AKAP19: variants seen among roughly 807,000 people sequenced by gnomAD.
The protein encoded by AKAP19 is A-kinase anchoring protein 19, also known as small A-kinase anchoring protein.
At chr2:190,010,152 T>A in the AKAP19 span, among the ~76,000 whole-genome samples, 1 of 152,308 alleles carries the variant, frequency 6.6e-6, no homozygotes, top group South Asian at 2.1e-4. Flanking sequence ...CAAGGGAGTA[T>A]TTCTGGATCT....
At chr2:190,002,855 T>TTACA in the AKAP19 span, among the ~76,000 whole-genome samples, 5 of 152,204 alleles carry the variant, frequency 3.3e-5, no homozygotes, top group African/African-American at 1.2e-4. Flanking sequence ...CACTTAGATT[T>TTACA]CTTGTAAATG....
the AKAP19 span, among the ~76,000 whole-genome samples, chr2:190,043,507 G>A: frequency 6.6e-6 from 1 of 152,122 alleles, no homozygotes; most frequent in Non-Finnish European, 1.5e-5. Context: ...ACTACATTGT[G>A]AAAATCTTAT....
chr2:189,926,990 C>T, the AKAP19 span, among the ~76,000 whole-genome samples: 1 of 152,010 alleles, frequency 6.6e-6, no homozygotes, highest in Admixed American at 6.6e-5. Context: ...TTCAAGTGAT[C>T]CTCCTACCTC....
chr2:190,110,780 G>A, the AKAP19 span, among the ~76,000 whole-genome samples: 1 of 152,156 alleles, frequency 6.6e-6, no homozygotes, highest in African/African-American at 2.4e-5. Flanking sequence ...TTCTGGCCAT[G>A]TCTTATAGCT....
At chr2:189,891,663 C>T in the AKAP19 span, among the ~76,000 whole-genome samples, 47 of 152,214 alleles carry the variant, frequency 3.1e-4, 1 homozygote, top group South Asian at 8.5e-3. Context: ...CTGCCCTTAA[C>T]ATTTTTTCCA....
At chr2:190,101,486 G>A in the AKAP19 span, among the ~76,000 whole-genome samples, 1 of 152,060 alleles carries the variant, frequency 6.6e-6, no homozygotes, top group South Asian at 2.1e-4. Context: ...ACATTTGCCT[G>A]GACCAGCAGC....
At chr2:190,128,007 A>G in the AKAP19 span, among the ~76,000 whole-genome samples, 1 of 152,224 alleles carries the variant, frequency 6.6e-6, no homozygotes, top group African/African-American at 2.4e-5. Flanking sequence ...AAATGAGTCA[A>G]TTTAATAAAG....
the AKAP19 span, among the ~76,000 whole-genome samples, chr2:189,880,172 C>T: frequency 1.3e-5 from 2 of 152,140 alleles, no homozygotes; most frequent in East Asian, 1.9e-4. Flanking sequence ...TAAATAGGAG[C>T]CACTTTTCCC....
the AKAP19 span, among the ~76,000 whole-genome samples, chr2:190,063,834 G>A: frequency 6.6e-6 from 1 of 152,062 alleles, no homozygotes; most frequent in Non-Finnish European, 1.5e-5. Context: ...CCTCTGTAGG[G>A]ATCAAACGTT....
At chr2:190,060,349 C>A in the AKAP19 span, 10 of 1,612,428 alleles carry the variant, frequency 6.2e-6, no homozygotes, top group Non-Finnish European at 8.5e-6. Context: ...CATAGTTGGG[C>A]CTTTACTACT....
chr2:190,062,189 C>A, the AKAP19 span: 2 of 1,605,350 alleles, frequency 1.2e-6, no homozygotes, highest in East Asian at 2.2e-5. Flanking sequence ...CAACAGTCAG[C>A]AGAACTGTTG....
chr2:190,193,008 C>T, the AKAP19 span, among the ~76,000 whole-genome samples: 1 of 152,120 alleles, frequency 6.6e-6, no homozygotes, highest in Middle Eastern at 3.4e-3. Flanking sequence ...GTCTTCCCTT[C>T]CTCATACTCA....
the AKAP19 span, among the ~76,000 whole-genome samples, chr2:189,987,750 C>A: frequency 1.3e-5 from 2 of 152,132 alleles, no homozygotes. Context: ...TAATTTCTGC[C>A]CAGCATAACT....
At chr2:190,030,690 C>T in the AKAP19 span, among the ~76,000 whole-genome samples, 1 of 152,350 alleles carries the variant, frequency 6.6e-6, no homozygotes, top group African/African-American at 2.4e-5. Flanking sequence ...GATTTATTAA[C>T]TCAGCTTTAA....
At chr2:190,062,269 C>T in the AKAP19 span, 6 of 1,612,970 alleles carry the variant, frequency 3.7e-6, no homozygotes, top group African/African-American at 1.3e-5. Context: ...GCGTGATAAT[C>T]GTCATCTTCC....
chr2:190,098,401 C>G, the AKAP19 span, among the ~76,000 whole-genome samples: 7 of 151,950 alleles, frequency 4.6e-5, no homozygotes, highest in African/African-American at 1.7e-4. Flanking sequence ...AGCAATGCAC[C>G]AATGGTGCAT....
At chr2:189,895,558 T>C in the AKAP19 span, among the ~76,000 whole-genome samples, 1 of 152,192 alleles carries the variant, frequency 6.6e-6, no homozygotes, top group Non-Finnish European at 1.5e-5. Flanking sequence ...TATTTAGCTC[T>C]CTTTTTCTCC....
the AKAP19 span, among the ~76,000 whole-genome samples, chr2:190,141,255 C>T: frequency 6.6e-6 from 1 of 152,148 alleles, no homozygotes; most frequent in Non-Finnish European, 1.5e-5. Flanking sequence ...TCTTTGGAAC[C>T]CTCCAAACTG....
At chr2:190,149,851 T>C in the AKAP19 span, among the ~76,000 whole-genome samples, 12 of 152,208 alleles carry the variant, frequency 7.9e-5, no homozygotes, top group Non-Finnish European at 1.2e-4. Flanking sequence ...CAAGGTATAT[T>C]TTAAATCCAC....
Sources: allele counts gnomAD v4.1 joint callset (sites outside exome capture counted in the v4.1 genomes callset), GRCh38; gene constraint gnomAD v4.1.1; transcripts MANE v1.5; gene names NCBI Gene and HGNC (gene_info 2026-07-23, HGNC 2026-07-21).